DENND1B: variants seen among roughly 807,000 people sequenced by gnomAD.
DENND1B encodes the protein DENN domain containing 1B, also known as DENN domain-containing protein 1B.
A neutral mutation model predicts 90.1 loss-of-function variants in DENND1B; 59 were observed. That is an observed-to-expected ratio of 0.65 (90% CI 0.53 to 0.81). The LOEUF is 0.81. Ranked by LOEUF, DENND1B falls within the 40% of genes least tolerant of loss-of-function variation. The pLI is 0.00. For missense variants in DENND1B, 862 were observed against 912.6 expected, an observed-to-expected ratio of 0.94 and a Z score of 0.71; for synonymous variants, 337 against 324.6, an observed-to-expected ratio of 1.04 and a Z score of -0.41.
chr1:197,536,097 A>T (rs1325577751), intron 20 of DENND1B, among the ~76,000 whole-genome samples: 1 of 148,952 alleles, frequency 6.7e-6, no homozygotes. Flanking sequence ...AGAGGAAAAG[A>T]GGGAGAGAGA....
intron 20 of DENND1B, among the ~76,000 whole-genome samples, chr1:197,525,684 A>G (rs1232551186): frequency 6.6e-6 from 1 of 152,102 alleles, no homozygotes; most frequent in African/African-American, 2.4e-5. Flanking sequence ...TGTTAGTAAA[A>G]TAATTATAGC....
intron 15 of DENND1B, among the ~76,000 whole-genome samples, chr1:197,557,526 A>G (rs1671812054): frequency 6.6e-6 from 1 of 151,914 alleles, no homozygotes; most frequent in Admixed American, 6.6e-5. Context: ...ACAGAAATTA[A>G]TCACTCAGTA....
intron 2 of DENND1B, among the ~76,000 whole-genome samples, chr1:197,721,993 G>A (rs1661225957): frequency 6.6e-6 from 1 of 152,106 alleles, no homozygotes; most frequent in African/African-American, 2.4e-5. Flanking sequence ...GCTGTATGCT[G>A]TATACATACA....
intron 14 of DENND1B, among the ~76,000 whole-genome samples, chr1:197,590,740 A>G (rs996042814): frequency 6.6e-6 from 1 of 152,180 alleles, no homozygotes; most frequent in African/African-American, 2.4e-5. Context: ...TTTTTCTCAT[A>G]ATCCACATCC....
intron 20 of DENND1B, among the ~76,000 whole-genome samples, chr1:197,529,309 T>A (rs939889380): frequency 6.7e-5 from 10 of 148,172 alleles, no homozygotes; most frequent in Non-Finnish European, 1.5e-4. Flanking sequence ...TGTGTATATA[T>A]GTATATATAT....
intron 15 of DENND1B, among the ~76,000 whole-genome samples, chr1:197,574,867 G>T (rs1673518052): frequency 6.6e-6 from 1 of 152,208 alleles, no homozygotes; most frequent in African/African-American, 2.4e-5. Context: ...AATAAATGGT[G>T]CTGGGAAAAC....
intron 6 of DENND1B, 148 bp downstream of exon 6, chr1:197,658,152 A>T: frequency 1.4e-6 from 1 of 689,756 alleles, no homozygotes; most frequent in Non-Finnish European, 2.6e-6. Flanking sequence ...TAGACTGGCA[A>T]GGAAAAAAGA....
intron 10 of DENND1B, among the ~76,000 whole-genome samples, chr1:197,633,034 T>C (rs558111409): frequency 2.6e-5 from 4 of 152,164 alleles, no homozygotes; most frequent in Non-Finnish European, 1.5e-5. Flanking sequence ...TCTTTGAGAA[T>C]GGGACATTTT....
At chr1:197,647,010 C>T in intron 8 of DENND1B, 45 bp downstream of exon 8, 1 of 1,377,816 alleles carries the variant, frequency 7.3e-7, no homozygotes, top group Non-Finnish European at 9.6e-7. Context: ...GATTATTTTT[C>T]CTATTTAATA....
chr1:197,687,298 A>G (rs1444695383), intron 3 of DENND1B, among the ~76,000 whole-genome samples: 1 of 152,184 alleles, frequency 6.6e-6, no homozygotes, highest in Non-Finnish European at 1.5e-5. Flanking sequence ...TGAATTTACA[A>G]GAGTAAAGTG....
intron 15 of DENND1B, among the ~76,000 whole-genome samples, chr1:197,560,354 C>T (rs1672060903): frequency 6.6e-6 from 1 of 151,580 alleles, no homozygotes; most frequent in African/African-American, 2.4e-5. Context: ...AAACATGTAG[C>T]GGAGGTAGGG....
chr1:197,576,049 G>A (rs1571938296), intron 15 of DENND1B, among the ~76,000 whole-genome samples: 1 of 151,898 alleles, frequency 6.6e-6, no homozygotes, highest in East Asian at 1.9e-4. Context: ...CCTGCACATT[G>A]TGCACATGTA....
chr1:197,645,840 A>T, intron 8 of DENND1B, 97 bp from the exon 9 acceptor site: 1 of 753,252 alleles, frequency 1.3e-6, no homozygotes, highest in South Asian at 2.5e-5. Context: ...TGAGTAAATT[A>T]AAAAATGCCA....
intron 15 of DENND1B, among the ~76,000 whole-genome samples, chr1:197,580,087 C>CTTTTTT (rs139056668): frequency 2.7e-3 from 208 of 76,750 alleles, no homozygotes; most frequent in Non-Finnish European, 3.3e-3. Flanking sequence ...TTCTTTCTTT[C>CTTTTTT]TTTTTTTTTT....
chr1:197,577,805 C>T (rs893294739), intron 15 of DENND1B, among the ~76,000 whole-genome samples: 2 of 152,044 alleles, frequency 1.3e-5, no homozygotes, highest in Non-Finnish European at 2.9e-5. Flanking sequence ...TCCATCTAAG[C>T]TATGTTTATT....
At chr1:197,780,233 T>C (rs1179145509), upstream of DENND1B, among the ~76,000 whole-genome samples, 1 of 152,034 alleles carries the variant, frequency 6.6e-6, no homozygotes, top group Admixed American at 6.6e-5. Flanking sequence ...TTAGGAAGGG[T>C]CTGAAGACCC....
Position 197,593,454 on chromosome 1 carries a change from G to A in DENND1B, c.1047+1754C>T, listed in dbSNP as rs376044082. Among the ~76,000 whole-genome samples, 491 of 150,730 alleles carry A rather than the reference G, an allele frequency of 3.3e-3. 2 individuals are homozygous for A. Among genetic ancestry groups the A allele is most frequent in the South Asian group, 7.9e-3 (38 of 4,786 alleles). On this transcript the variant is annotated intron_variant, in intron 14 of 22. Transcript: ENST00000620048. ...AACAAATAAATTTATAACAAAATGTGATCAATAAACAAGAAATATACTCTA... is the reference window on the plus strand; with the variant it reads ...AACAAATAAATTTATAACAAAATGTAATCAATAAACAAGAAATATACTCTA...
At chr1:197,637,687 G>T (rs1012409758) in intron 10 of DENND1B, among the ~76,000 whole-genome samples, 1 of 152,140 alleles carries the variant, frequency 6.6e-6, no homozygotes, top group Non-Finnish European at 1.5e-5. Context: ...TGATAAACTG[G>T]TAAGTAGAAT....
chr1:197,570,677 G>A (rs556004514), intron 15 of DENND1B, among the ~76,000 whole-genome samples: 1 of 152,272 alleles, frequency 6.6e-6, no homozygotes, highest in Admixed American at 6.5e-5. Context: ...TGGTCATAAA[G>A]AGGTTACCTT....
Sources: allele counts gnomAD v4.1 joint callset (sites outside exome capture counted in the v4.1 genomes callset), GRCh38; gene constraint gnomAD v4.1.1; transcripts MANE v1.5; gene names NCBI Gene and HGNC (gene_info 2026-07-23, HGNC 2026-07-21).